The following FUT9 variants were observed in gnomAD, a reference collection of about 807,000 sequenced individuals.
The protein encoded by FUT9 is fucosyltransferase 9, also known as 4-galactosyl-N-acetylglucosaminide 3-alpha-L-fucosyltransferase 9.
In FUT9, 15 loss-of-function variants were observed where a neutral mutation model predicts 29.7. That is an observed-to-expected ratio of 0.51 (90% CI 0.34 to 0.78). The LOEUF is 0.78. Ranked by LOEUF, FUT9 falls within the 30% of genes least tolerant of loss-of-function variation. The probability of loss-of-function intolerance (pLI) is 0.01; values close to 1 mark genes in which losing one functional copy is unlikely to be tolerated. For synonymous variants in FUT9, 169 were observed against 153.7 expected (o/e 1.10, Z -0.74); for missense variants, 319 against 425.4 (o/e 0.75, Z 2.20).
At chr6:96,094,584 A>C (rs1771464743) in intron 1 of FUT9, among the ~76,000 whole-genome samples, 1 of 152,166 alleles carries the variant, frequency 6.6e-6, no homozygotes, top group African/African-American at 2.4e-5. Flanking sequence ...TGGTACTATC[A>C]GTGGTTTCAG....
At chr6:96,184,357 A>G (rs1265624069) in intron 2 of FUT9, among the ~76,000 whole-genome samples, 1 of 151,910 alleles carries the variant, frequency 6.6e-6, no homozygotes, top group Non-Finnish European at 1.5e-5. Context: ...TAATCTTGCT[A>G]ATGGTCTATC....
chr6:96,131,443 AAC>A (rs1772242977), intron 2 of FUT9, among the ~76,000 whole-genome samples: 1 of 152,042 alleles, frequency 6.6e-6, no homozygotes, highest in African/African-American at 2.4e-5. Flanking sequence ...TACTCCTCCA[AAC>A]ACACACATAC....
At chr6:96,054,666 G>A (rs1185637811) in intron 1 of FUT9, among the ~76,000 whole-genome samples, 1 of 152,130 alleles carries the variant, frequency 6.6e-6, no homozygotes, top group African/African-American at 2.4e-5. Flanking sequence ...ACTTGAAGTT[G>A]GAAGTTTAGG....
At chr6:96,196,138 G>A (rs952254374) in intron 2 of FUT9, among the ~76,000 whole-genome samples, 4 of 152,140 alleles carry the variant, frequency 2.6e-5, no homozygotes, top group African/African-American at 9.7e-5. Flanking sequence ...TGGGAATAGA[G>A]AGGTGGTGAT....
intron 1 of FUT9, chr6:96,036,837 GC>G (rs1770372650): frequency 6.6e-6 from 1 of 151,930 alleles, no homozygotes; most frequent in South Asian, 2.1e-4. Context: ...TTTAAACCAA[GC>G]TATAGCTGTG....
At position 96,062,770 on chromosome 6, in the gene FUT9, A is replaced by G. The variant is rs370051486; in HGVS notation, c.-98+46558A>G. On this transcript the variant is annotated intron_variant, in intron 1 of 2. Transcript: ENST00000302103. ...GTAATGTTTTTATAAAAATAAGAGG[A>G]AAATAAACTGTTTCCCCTTTGTAAA... 8.0e-4 allele frequency among the ~76,000 whole-genome samples: 122 copies of G among 152,272 alleles called. 3 individuals carry two copies. The South Asian group carries it at 0.024, about 30-fold the overall frequency.
At chr6:96,078,858 A>G (rs1771187981) in intron 1 of FUT9, among the ~76,000 whole-genome samples, 1 of 152,170 alleles carries the variant, frequency 6.6e-6, no homozygotes, top group Non-Finnish European at 1.5e-5. Flanking sequence ...GTGATTAATC[A>G]GTGAGTTGGT....
chr6:96,124,740 T>C (rs894775490), intron 2 of FUT9, among the ~76,000 whole-genome samples: 5 of 152,120 alleles, frequency 3.3e-5, no homozygotes, highest in African/African-American at 1.2e-4. Flanking sequence ...TTCTGAAATA[T>C]TGGCTTCTCT....
chr6:96,162,338 G>A (rs1321120917), intron 2 of FUT9, among the ~76,000 whole-genome samples: 1 of 152,088 alleles, frequency 6.6e-6, no homozygotes, highest in East Asian at 1.9e-4. Context: ...TCAAATCAGG[G>A]TAATTAGCAT....
chr6:96,087,587 G>C (rs200839566), intron 1 of FUT9, among the ~76,000 whole-genome samples: 21 of 151,914 alleles, frequency 1.4e-4, no homozygotes, highest in Middle Eastern at 3.4e-3. Context: ...GGATGGTCTC[G>C]ATCTCTTGAC....
intron 2 of FUT9, among the ~76,000 whole-genome samples, chr6:96,196,420 TAAAC>T (rs1447263904): frequency 6.6e-6 from 1 of 151,960 alleles, no homozygotes; most frequent in Non-Finnish European, 1.5e-5. Context: ...CTAATAATAA[TAAAC>T]AAAGGAGGGA....
intron 1 of FUT9, among the ~76,000 whole-genome samples, chr6:96,055,109 C>A (rs1003896885): frequency 1.5e-4 from 23 of 152,016 alleles, no homozygotes; most frequent in African/African-American, 5.6e-4. Flanking sequence ...TTAAATTCTG[C>A]TCTTATTTAA....
At chr6:96,090,834 T>A (rs1005775620) in intron 1 of FUT9, among the ~76,000 whole-genome samples, 3 of 152,106 alleles carry the variant, frequency 2.0e-5, no homozygotes, top group African/African-American at 7.2e-5. Flanking sequence ...AGATGTTAAT[T>A]TATTATAAGA....
In FUT9 at chr6:96,083,708, G is replaced by A. The variant is rs115969146; in HGVS notation, c.-97-30331G>A. On this transcript the variant is annotated intron_variant, in intron 1 of 2. Transcript: ENST00000302103. ...CTTGAGTTACCATTTATTGATCTGA[G>A]CTTTGACTGCCAGATCCTCCACATT... is the stretch of plus-strand genomic sequence containing the variant. Among the ~76,000 whole-genome samples the A allele has an allele frequency of 7.0e-3, 1,069 of 152,048 alleles. 13 individuals are homozygous for A. Among genetic ancestry groups the A allele is most frequent in the African/African-American group, 0.025 (1,018 of 41,500 alleles).
intron 1 of FUT9, among the ~76,000 whole-genome samples, chr6:96,018,509 G>A (rs1770018277): frequency 6.6e-6 from 1 of 152,048 alleles, no homozygotes; most frequent in African/African-American, 2.4e-5. Flanking sequence ...GCATTAGTAA[G>A]AAAGGCTAAA....
intron 1 of FUT9, among the ~76,000 whole-genome samples, chr6:96,103,840 C>A (rs1771631446): frequency 6.6e-6 from 1 of 152,080 alleles, no homozygotes; most frequent in Non-Finnish European, 1.5e-5. Context: ...TATACATATA[C>A]ATAGTAAAAT....
chr6:96,108,542 A>G (rs1307891726), intron 1 of FUT9, among the ~76,000 whole-genome samples: 4 of 152,086 alleles, frequency 2.6e-5, no homozygotes, highest in Non-Finnish European at 5.9e-5. Context: ...TGTTATTATT[A>G]TTAGCGTTAA....
chr6:96,024,075 A>G (rs1770120434), intron 1 of FUT9, among the ~76,000 whole-genome samples: 1 of 151,928 alleles, frequency 6.6e-6, no homozygotes, highest in Non-Finnish European at 1.5e-5. Flanking sequence ...AAAGGGCTCC[A>G]TTCATGAGAT....
chr6:96,108,504 A>G (rs1771735403), intron 1 of FUT9, among the ~76,000 whole-genome samples: 1 of 152,158 alleles, frequency 6.6e-6, no homozygotes, highest in South Asian at 2.1e-4. Flanking sequence ...TTGTGCCTGT[A>G]TATAGTGAAC....
Sources: allele counts gnomAD v4.1 joint callset (sites outside exome capture counted in the v4.1 genomes callset), GRCh38; gene constraint gnomAD v4.1.1; transcripts MANE v1.5; gene names NCBI Gene and HGNC (gene_info 2026-07-23, HGNC 2026-07-21).